NHSL2: variants seen among roughly 807,000 people sequenced by gnomAD.
NHSL2 encodes NHS like 2, also known as NHS-like protein 2.
A neutral mutation model predicts 53.4 loss-of-function variants in NHSL2; 27 were observed. The observed-to-expected ratio is 0.51, with a 90% CI of 0.37 to 0.70. NHSL2 has a LOEUF of 0.70. Among genes scored for constraint, NHSL2 ranks in the 30% least tolerant of loss-of-function variants. NHSL2 has a pLI of 0.00. For synonymous variants in NHSL2, 408 were observed against 404.1 expected, an observed-to-expected ratio of 1.01 and a Z score of -0.12; for missense variants, 892 against 980.1, an observed-to-expected ratio of 0.91 and a Z score of 1.20.
Position 71,991,055 on chromosome X carries a change from C to T in NHSL2, c.280+79688C>T, listed in dbSNP as rs1483598844. On this transcript the variant is annotated intron_variant, in intron 1 of 7. Coordinates refer to ENST00000633930, the MANE Select transcript of NHSL2 (RefSeq NM_001013627.3). Reference sequence around the variant, plus strand: ...AGACTCATTTTGCCAAATAGTTGTGCAGGGTCCTCTGTCACTGACCAGTTG... The same window carrying T: ...AGACTCATTTTGCCAAATAGTTGTGTAGGGTCCTCTGTCACTGACCAGTTG... Among the ~76,000 whole-genome samples the T allele has an allele frequency of 3.5e-5, 4 of 112,724 alleles. No homozygotes were observed. In the East Asian group the frequency reaches 1.1e-3, roughly 31 times the overall value.
chrX:72,108,816 A>G (rs1042159741), intron 1 of NHSL2, among the ~76,000 whole-genome samples: 2 of 111,609 alleles, frequency 1.8e-5, no homozygotes, highest in Non-Finnish European at 3.8e-5. Context: ...AGGTCACACC[A>G]CACAGTTCCC....
At chrX:72,015,261 G>T (rs1187985903) in intron 1 of NHSL2, among the ~76,000 whole-genome samples, 1 of 111,573 alleles carries the variant, frequency 9.0e-6, no homozygotes, top group African/African-American at 3.3e-5. Flanking sequence ...AATGCTCACG[G>T]TTTTTTGTTG....
At chrX:72,130,273 T>C (rs1474172962) in intron 1 of NHSL2, 4 of 1,201,553 alleles carry the variant, frequency 3.3e-6, no homozygotes, top group Non-Finnish European at 4.5e-6. Flanking sequence ...TTCATCTTCT[T>C]CATCCTTACT....
At chrX:71,922,208 C>T (rs996903239) in intron 1 of NHSL2, among the ~76,000 whole-genome samples, 1 of 112,057 alleles carries the variant, frequency 8.9e-6, no homozygotes, top group Non-Finnish European at 1.9e-5. Context: ...GGATCTAGGC[C>T]AACACTCACC....
intron 1 of NHSL2, among the ~76,000 whole-genome samples, chrX:72,108,859 C>T (rs1013292190): frequency 9.0e-6 from 1 of 111,581 alleles, no homozygotes; most frequent in Non-Finnish European, 1.9e-5. Context: ...CCTCCAACAG[C>T]TTTCAGGTAT....
chrX:72,144,870 C>G lies in NHSL2; in HGVS notation c.*1296C>G, dbSNP rs2042451987. Reference sequence around the variant, plus strand: ...AGAGCTTCAGAATAATCATTGCGACCCCTCCCTGCCCCCACCCCCCACGAA... The same window carrying G: ...AGAGCTTCAGAATAATCATTGCGACGCCTCCCTGCCCCCACCCCCCACGAA... On this transcript the variant is annotated 3_prime_UTR_variant, in exon 8 of 8. Coordinates refer to ENST00000633930, the MANE Select transcript of NHSL2 (RefSeq NM_001013627.3). 1 of 131,439 alleles carries G rather than the reference C, an allele frequency of 7.6e-6. No individual in the cohort carries two copies. The highest frequency in any genetic ancestry group is 1.5e-5 in the Non-Finnish European group (1 of 66,925). 10.8% of individuals were successfully genotyped at this position (131,439 alleles called of 1,213,427 possible). A position where few individuals can be genotyped will look rare whatever the true frequency, so the allele number is the denominator to read the frequency against.
At chrX:72,107,790 G>A (rs1433991345) in intron 1 of NHSL2, among the ~76,000 whole-genome samples, 1 of 111,951 alleles carries the variant, frequency 8.9e-6, no homozygotes, top group Non-Finnish European at 1.9e-5. Flanking sequence ...TAGAGCAAAG[G>A]AACAATTCAG....
chrX:71,982,599 C>T (rs1258083034), intron 1 of NHSL2, among the ~76,000 whole-genome samples: 1 of 111,520 alleles, frequency 9.0e-6, no homozygotes, highest in Non-Finnish European at 1.9e-5. Flanking sequence ...AAGTTGATCA[C>T]CAATGGCCAA....
intron 1 of NHSL2, among the ~76,000 whole-genome samples, chrX:72,012,961 T>C (rs1230137489): frequency 1.8e-5 from 2 of 112,570 alleles, no homozygotes; most frequent in Non-Finnish European, 3.8e-5. Flanking sequence ...GTCCTGAAAT[T>C]GGATAGAGTG....
At chrX:72,044,370 G>A (rs1176761205) in intron 1 of NHSL2, among the ~76,000 whole-genome samples, 4 of 111,615 alleles carry the variant, frequency 3.6e-5, no homozygotes, top group African/African-American at 1.3e-4. Context: ...TAATCAAGTG[G>A]CAGGGAAGGT....
rs2041599148 is a variant in NHSL2 at position 71,911,143 on chromosome X, CGCA to C, written c.62_64del (p.Gln21del). ...CAGCGCCTGTGCCCGCGCAACCCGC[CGCA>C]GCAGCTGGCGGAGCTCCGCGACGTG... On this transcript the variant is annotated inframe_deletion, in exon 1 of 8. Transcript: ENST00000633930. 1 of 1,118,447 alleles carries C rather than the reference CGCA, an allele frequency of 8.9e-7. No homozygotes were observed. Among genetic ancestry groups the C allele is most frequent in the African/African-American group, 1.9e-5 (1 of 53,032 alleles). The allele number at this position is 1,118,447 out of a possible 1,213,427, so 92.2% of individuals were successfully genotyped here.
intron 1 of NHSL2, among the ~76,000 whole-genome samples, chrX:71,959,083 T>G (rs1602279232): frequency 1.8e-5 from 2 of 112,248 alleles, no homozygotes; most frequent in East Asian, 5.6e-4. Flanking sequence ...ATTCTCCTTG[T>G]GCCACCATGA....
intron 1 of NHSL2, among the ~76,000 whole-genome samples, chrX:71,923,446 T>C: frequency 8.9e-6 from 1 of 112,596 alleles, no homozygotes; most frequent in South Asian, 3.7e-4. Flanking sequence ...CTTGGCTGAA[T>C]TGTGTCTCCA....
intron 1 of NHSL2, among the ~76,000 whole-genome samples, chrX:72,105,705 C>A (rs936271725): frequency 8.9e-6 from 1 of 111,823 alleles, no homozygotes; most frequent in Admixed American, 9.4e-5. Flanking sequence ...GGTCTGCTCA[C>A]AAGGCCTGTG....
rs780386634 is a variant in NHSL2 at position 71,911,123 on chromosome X, C to T, written c.36C>T (p.Arg12=). The change falls in exon 1 of 8, where the codon CGC becomes CGT. Residue 12 remains arginine, a synonymous_variant. Transcript: ENST00000633930. ...PFYRRTVVPQ[R]LCPRNPPQQL... The stretch of plus-strand genomic sequence containing the variant: ...ACAGGCGCACGGTGGTACCCCAGCG[C>T]CTGTGCCCGCGCAACCCGCCGCAGC... 109 of 1,102,791 alleles carry T rather than the reference C, an allele frequency of 9.9e-5. No individual in the cohort carries two copies. The highest frequency in any genetic ancestry group is 1.1e-4 in the Non-Finnish European group (95 of 845,709). 90.9% of individuals were successfully genotyped at this position (1,102,791 alleles called of 1,213,427 possible).
intron 1 of NHSL2, among the ~76,000 whole-genome samples, chrX:72,041,001 G>A (rs1385613825): frequency 8.9e-6 from 1 of 112,304 alleles, no homozygotes; most frequent in Non-Finnish European, 1.9e-5. Flanking sequence ...ATGACAGAGC[G>A]TTGGGCTAGA....
At chrX:72,137,849 A>G (rs1182582307) in intron 5 of NHSL2, among the ~76,000 whole-genome samples, 1 of 112,197 alleles carries the variant, frequency 8.9e-6, no homozygotes, top group Admixed American at 9.4e-5. Flanking sequence ...AATAATAATA[A>G]TAATGACATG....
chrX:72,081,239 G>C (rs1233750904), intron 1 of NHSL2, among the ~76,000 whole-genome samples: 1 of 112,452 alleles, frequency 8.9e-6, no homozygotes, highest in Non-Finnish European at 1.9e-5. Context: ...TTGAGGGACT[G>C]TCACTGGATG....
chrX:72,063,232 C>A (rs867817523), intron 1 of NHSL2, among the ~76,000 whole-genome samples: 1 of 112,104 alleles, frequency 8.9e-6, no homozygotes, highest in East Asian at 2.8e-4. Context: ...AGCCTCCTGC[C>A]TCCCCCAAAC....
Sources: allele counts gnomAD v4.1 joint callset (sites outside exome capture counted in the v4.1 genomes callset), GRCh38; gene constraint gnomAD v4.1.1; transcripts MANE v1.5; gene names NCBI Gene and HGNC (gene_info 2026-07-23, HGNC 2026-07-21).